Variants in KLF8 observed in about 807,000 individuals in gnomAD.
The protein encoded by KLF8 is Krueppel-like factor 8.
A neutral mutation model predicts 18.2 loss-of-function variants in KLF8; 10 were observed. The observed-to-expected ratio is 0.55, with a 90% confidence interval of 0.34 to 0.93. The LOEUF is 0.93. KLF8 is among the 40% of genes least tolerant of loss of function. The pLI is 0.02. For synonymous variants in KLF8, 109 were observed against 97.3 expected (o/e 1.12, Z -0.71); for missense variants, 264 against 277.9 (o/e 0.95, Z 0.36).
chrX:56,082,064 G>A, the KLF8 span, among the ~76,000 whole-genome samples: 118 of 111,444 alleles, frequency 1.1e-3, no homozygotes, highest in Non-Finnish European at 1.9e-3. Flanking sequence ...GAATTCAGTG[G>A]TAAAGCCATT....
At chrX:55,952,795 G>C in the KLF8 span, among the ~76,000 whole-genome samples, 2 of 111,959 alleles carry the variant, frequency 1.8e-5, no homozygotes, top group Non-Finnish European at 3.8e-5. Flanking sequence ...ATTTACTTAT[G>C]TCCTCTATAA....
the KLF8 span, among the ~76,000 whole-genome samples, chrX:56,016,099 C>T: frequency 9.0e-6 from 1 of 111,721 alleles, no homozygotes; most frequent in Non-Finnish European, 1.9e-5. Context: ...TTTTAGCATG[C>T]TATTGAACCT....
At chrX:56,160,131 T>C in the KLF8 span, among the ~76,000 whole-genome samples, 2 of 112,156 alleles carry the variant, frequency 1.8e-5, no homozygotes, top group East Asian at 5.6e-4. Context: ...TTTTTCTGCC[T>C]TCATTTCGTT....
chrX:56,274,594 A>T (rs1208762775), intron 5 of KLF8, among the ~76,000 whole-genome samples: 2 of 112,024 alleles, frequency 1.8e-5, no homozygotes, highest in Non-Finnish European at 1.9e-5. Context: ...TGCCCAGTTC[A>T]ATGTCCTGGA....
chrX:55,946,062 A>G, the KLF8 span, among the ~76,000 whole-genome samples: 400 of 111,944 alleles, frequency 3.6e-3, 2 homozygotes, highest in African/African-American at 0.012. Flanking sequence ...CATACTGCCC[A>G]AGGTAATTTA....
At chrX:56,021,581 C>T in the KLF8 span, among the ~76,000 whole-genome samples, 3 of 108,997 alleles carry the variant, frequency 2.8e-5, no homozygotes, top group East Asian at 5.7e-4. Flanking sequence ...TATACTGACC[C>T]GCTCTTTTTT....
At chrX:56,089,472 C>G in the KLF8 span, among the ~76,000 whole-genome samples, 1 of 112,024 alleles carries the variant, frequency 8.9e-6, no homozygotes, top group Non-Finnish European at 1.9e-5. Flanking sequence ...TAATCAAAAT[C>G]AGTATCTAGA....
At chrX:56,111,523 A>C in the KLF8 span, among the ~76,000 whole-genome samples, 2 of 112,457 alleles carry the variant, frequency 1.8e-5, no homozygotes, top group African/African-American at 3.2e-5. Flanking sequence ...AAAATAAACT[A>C]TCATCAGAGT....
At chrX:56,059,731 G>A in the KLF8 span, among the ~76,000 whole-genome samples, 1 of 111,565 alleles carries the variant, frequency 9.0e-6, no homozygotes, top group Non-Finnish European at 1.9e-5. Context: ...TTTGGTACCA[G>A]TACCGTGCTG....
the KLF8 span, among the ~76,000 whole-genome samples, chrX:56,185,569 T>C: frequency 9.0e-6 from 1 of 111,153 alleles, no homozygotes; most frequent in Non-Finnish European, 1.9e-5. Context: ...AGACACATAA[T>C]TGTCAGATTC....
the KLF8 span, among the ~76,000 whole-genome samples, chrX:56,058,307 T>C: frequency 1.1e-4 from 7 of 62,522 alleles, no homozygotes; most frequent in South Asian, 1.0e-3. Flanking sequence ...TATATATATA[T>C]ATATATATAT....
chrX:55,989,548 G>T, the KLF8 span, among the ~76,000 whole-genome samples: 1 of 112,330 alleles, frequency 8.9e-6, no homozygotes, highest in African/African-American at 3.2e-5. Flanking sequence ...TCCCAGGGAT[G>T]AAGCCCCCTT....
the KLF8 span, among the ~76,000 whole-genome samples, chrX:55,963,722 A>T: frequency 8.9e-6 from 1 of 111,850 alleles, no homozygotes; most frequent in Non-Finnish European, 1.9e-5. Context: ...ATAAAGGCAG[A>T]AAACGAACAA....
the KLF8 span, among the ~76,000 whole-genome samples, chrX:55,957,472 G>T: frequency 8.9e-6 from 1 of 111,953 alleles, no homozygotes; most frequent in African/African-American, 3.2e-5. Context: ...TCTGTAGATT[G>T]CTTTGAGTAG....
At chrX:55,996,680 G>C in the KLF8 span, among the ~76,000 whole-genome samples, 48 of 111,753 alleles carry the variant, frequency 4.3e-4, 1 homozygote, top group South Asian at 0.017. Flanking sequence ...CTGGGGGCTG[G>C]TACCAGGCCC....
chrX:56,268,897 A>T, intron 3 of KLF8: 1 of 941,651 alleles, frequency 1.1e-6, no homozygotes, highest in African/African-American at 2.0e-5. Context: ...CATCTCATTG[A>T]CTTATTTCTG....
chrX:56,047,102 G>A, the KLF8 span, among the ~76,000 whole-genome samples: 1 of 109,240 alleles, frequency 9.2e-6, no homozygotes, highest in African/African-American at 3.3e-5. Flanking sequence ...TAATTTGAAA[G>A]CCTTGTCTTT....
the KLF8 span, among the ~76,000 whole-genome samples, chrX:56,111,579 A>G: frequency 8.9e-6 from 1 of 112,281 alleles, no homozygotes; most frequent in African/African-American, 3.2e-5. Context: ...CAATCTATCC[A>G]TCTGACAAAG....
chrX:55,949,331 T>G, the KLF8 span, among the ~76,000 whole-genome samples: 4 of 78,700 alleles, frequency 5.1e-5, no homozygotes, highest in African/African-American at 1.5e-4. Flanking sequence ...AGTTTTCATA[T>G]GCTGTGTGTG....
Sources: allele counts gnomAD v4.1 joint callset (sites outside exome capture counted in the v4.1 genomes callset), GRCh38; gene constraint gnomAD v4.1.1; transcripts MANE v1.5; gene names NCBI Gene and HGNC (gene_info 2026-07-23, HGNC 2026-07-21).